Variants in BBS1 observed in about 807,000 individuals in gnomAD.
BBS1 encodes the protein BBSome complex member BBS1.
In BBS1, 60 loss-of-function variants were observed where a neutral mutation model predicts 73.9. The observed-to-expected ratio is 0.81, with a 90% CI of 0.66 to 1.01. The LOEUF is 1.01. Ranked by LOEUF, BBS1 falls within the 50% of genes least tolerant of loss-of-function variation. The pLI is 0.00. For synonymous variants in BBS1, 283 were observed against 317.4 expected (o/e 0.89, Z 1.15); for missense variants, 718 against 770.3 (o/e 0.93, Z 0.80).
intron 13 of BBS1, chr11:66,529,493 G>A (rs1355480446): frequency 2.7e-6 from 2 of 732,602 alleles, no homozygotes; most frequent in Admixed American, 4.0e-5. Flanking sequence ...GATTGTCTGG[G>A]GGAAGAAGAT....
At chr11:66,511,995 C>CAAAAAA (rs796283982) in intron 3 of BBS1, among the ~76,000 whole-genome samples, 78 of 121,750 alleles carry the variant, frequency 6.4e-4, no homozygotes, top group African/African-American at 2.5e-3. Flanking sequence ...GAGACAGTTT[C>CAAAAAA]AAAAAAAAAT....
At position 66,523,794 on chromosome 11, in the gene BBS1, G is replaced by C. The variant is rs544274797; in HGVS notation, c.1022G>C (p.Arg341Pro). Residue 341 changes from arginine (R) to proline (P), a missense_variant, in exon 11 of 17, where the codon CGG (arginine) becomes CCG (proline). Transcript: ENST00000318312. ...LTMNLLEQHS[R>P]GLQAVMAGLA... The stretch of plus-strand genomic sequence containing the variant: ...ATGAACCTCCTGGAGCAGCATTCCC[G>C]GGGCCTGCAGGCCGTCATGGCTGGG... 2.5e-6 allele frequency: 4 copies of C among 1,613,408 alleles called. No individual in the cohort carries two copies. Among genetic ancestry groups the C allele is most frequent in the Non-Finnish European group, 3.4e-6 (4 of 1,180,006 alleles).
intron 7 of BBS1, 141 bp downstream of exon 7, chr11:66,516,074 G>A: frequency 3.1e-6 from 2 of 648,532 alleles, no homozygotes; most frequent in Admixed American, 4.5e-5. Context: ...CCATGTGTGT[G>A]TAGTCATAAA....
chr11:66,531,684 A>AC lies in BBS1; in HGVS notation c.1642dup (p.Leu548ProfsTer10). The AC allele has an allele frequency of 6.2e-7, 1 of 1,613,426 alleles. No homozygotes were observed. The highest frequency in any genetic ancestry group is 8.5e-7 in the Non-Finnish European group (1 of 1,179,874). ...CCCTTGCTGGTGCCAGGGCTCAACTACCCCCTGGAGACCTTTGTGGAGAGT... is the reference window on the plus strand; with the variant it reads ...CCCTTGCTGGTGCCAGGGCTCAACTACCCCCCTGGAGACCTTTGTGGAGAGT... On this transcript the variant is annotated frameshift_variant, in exon 16 of 17. Coordinates refer to ENST00000318312, the MANE Select transcript of BBS1 (RefSeq NM_024649.5). LOFTEE classifies it high-confidence loss of function.
Position 66,515,522 on chromosome 11 carries a change from C to A in BBS1, c.433-18C>A. 1 of 1,614,074 alleles carries A rather than the reference C, an allele frequency of 6.2e-7. No homozygotes were observed. Among genetic ancestry groups the A allele is most frequent in the South Asian group, 1.1e-5 (1 of 91,078 alleles). On this transcript the variant is annotated intron_variant, in intron 4 of 16. Coordinates refer to ENST00000318312, the MANE Select transcript of BBS1 (RefSeq NM_024649.5). ...TGCCTGGCTTGAGCTCACAGGCTCT[C>A]TTCCCACATTGTCACAGGACCGAAT...
chr11:66,517,550 C>T (rs1343724175), intron 7 of BBS1, among the ~76,000 whole-genome samples: 1 of 151,482 alleles, frequency 6.6e-6, no homozygotes, highest in Non-Finnish European at 1.5e-5. Context: ...TCACTGCAAC[C>T]TCCACCTCCT....
At chr11:66,522,536 C>T (rs1040772878) in intron 9 of BBS1, among the ~76,000 whole-genome samples, 8 of 151,772 alleles carry the variant, frequency 5.3e-5, no homozygotes, top group East Asian at 2.0e-4. Context: ...TTAGTAGAGA[C>T]GGGGTTTCAC....
At position 66,514,528 on chromosome 11, in the gene BBS1, G is replaced by A. The variant is rs771209437; in HGVS notation, c.282G>A (p.Met94Ile). ...CAGCTGCTGCTGCCACCTTCCTCAT[G>A]GAGCAACATGAGCCCCGGACCCCAG... ...ALPAAAATFL[M>I]EQHEPRTPAL... is the part of the protein sequence containing the mutation. Residue 94 changes from methionine to isoleucine, a missense_variant, in exon 4 of 17, where the codon ATG becomes ATA. Coordinates refer to ENST00000318312, the MANE Select transcript of BBS1 (RefSeq NM_024649.5). 6.2e-7 allele frequency: 1 copy of A among 1,614,174 alleles called. No individual in the cohort carries two copies.
At chr11:66,510,859 G>T (rs976169120) in intron 1 of BBS1, 153 bp downstream of exon 1, 1 of 1,363,410 alleles carries the variant, frequency 7.3e-7, no homozygotes, top group Admixed American at 1.7e-5. Flanking sequence ...GCATATGTGT[G>T]TCTGGAGGTC....
intron 3 of BBS1, among the ~76,000 whole-genome samples, chr11:66,513,623 G>A (rs781651750): frequency 4.6e-5 from 7 of 152,144 alleles, no homozygotes; most frequent in Non-Finnish European, 8.8e-5. Flanking sequence ...AGGCTGCAGC[G>A]AGCCATGATC....
chr11:66,517,130 C>T (rs927006138), intron 7 of BBS1, among the ~76,000 whole-genome samples: 3 of 150,600 alleles, frequency 2.0e-5, no homozygotes, highest in Non-Finnish European at 4.4e-5. Context: ...ACCCGGGAGG[C>T]GGAGCTTGCA....
intron 13 of BBS1, chr11:66,529,362 C>T (rs1856663142): frequency 6.7e-7 from 1 of 1,497,490 alleles, no homozygotes; most frequent in Non-Finnish European, 9.0e-7. Context: ...TGGGACCTCC[C>T]TGTGGAGATG....
intron 9 of BBS1, chr11:66,522,891 G>A (rs1856303214): frequency 2.9e-6 from 1 of 346,910 alleles, no homozygotes; most frequent in Non-Finnish European, 5.6e-6. Context: ...TCTCTGTGGA[G>A]ATGGCTTGAA....
intron 7 of BBS1, among the ~76,000 whole-genome samples, chr11:66,519,312 A>G (rs1284535980): frequency 6.6e-6 from 1 of 152,112 alleles, no homozygotes; most frequent in Non-Finnish European, 1.5e-5. Flanking sequence ...CAGAGGTTGC[A>G]GTGAGCCGAG....
At chr11:66,522,879 CCT>C (rs1856302638) in intron 9 of BBS1, 1 of 336,868 alleles carries the variant, frequency 3.0e-6, no homozygotes, top group South Asian at 2.4e-5. Context: ...ATCAGGAACA[CCT>C]CTCTGTGGAG....
intron 7 of BBS1, among the ~76,000 whole-genome samples, chr11:66,517,570 C>T (rs761321146): frequency 1.2e-4 from 18 of 151,020 alleles, no homozygotes; most frequent in Admixed American, 4.0e-4. Flanking sequence ...TGGGTTCAAG[C>T]TATTCTCCTG....
chr11:66,531,777 C>CA, intron 16 of BBS1, 35 bp downstream of exon 16: 1 of 1,613,640 alleles, frequency 6.2e-7, no homozygotes, highest in Non-Finnish European at 8.5e-7. Flanking sequence ...GGAAGGTGAG[C>CA]AGGACCCTGG....
At chr11:66,517,779 A>T (rs575488913) in intron 7 of BBS1, among the ~76,000 whole-genome samples, 19 of 150,760 alleles carry the variant, frequency 1.3e-4, no homozygotes, top group Admixed American at 2.7e-4. Flanking sequence ...TTATTTATTT[A>T]TTTTTTTAAG....
chr11:66,518,978 G>C (rs981416215), intron 7 of BBS1, among the ~76,000 whole-genome samples: 1 of 152,106 alleles, frequency 6.6e-6, no homozygotes, highest in African/African-American at 2.4e-5. Flanking sequence ...GCCCAAGCTG[G>C]TCTTGGACTC....
Sources: allele counts gnomAD v4.1 joint callset (sites outside exome capture counted in the v4.1 genomes callset), GRCh38; gene constraint gnomAD v4.1.1; transcripts MANE v1.5; gene names NCBI Gene and HGNC (gene_info 2026-07-23, HGNC 2026-07-21).